SCN11A: variants seen among roughly 807,000 people sequenced by gnomAD.
SCN11A encodes sodium channel protein type 11 subunit alpha.
A neutral mutation model predicts 162.2 loss-of-function variants in SCN11A; 122 were observed. The observed-to-expected ratio is 0.75, with a 90% CI of 0.65 to 0.87. The LOEUF is 0.87. Among genes scored for constraint, SCN11A ranks in the 40% least tolerant of loss-of-function variants. The probability of loss-of-function intolerance (pLI) is 0.00; values close to 1 mark genes in which losing one functional copy is unlikely to be tolerated. For missense variants in SCN11A, 2,015 were observed against 2,181.6 expected (o/e 0.92, Z 1.52); for synonymous variants, 758 against 751.5 (o/e 1.01, Z -0.14).
At position 38,883,452 on chromosome 3, in the gene SCN11A, T is replaced by C. The variant is rs1033016747; in HGVS notation, c.3065-65A>G. On this transcript the variant is annotated intron_variant, in intron 21 of 29. Coordinates refer to ENST00000302328, the MANE Select transcript of SCN11A (RefSeq NM_001349253.2). The stretch of plus-strand genomic sequence containing the variant: ...AATAAACTGCATTAAAATGCAACTC[T>C]TCACCCCTTTCTGTGTTCATGCCCC... The C allele has an allele frequency of 8.1e-6, 12 of 1,478,354 alleles. No homozygotes were observed. In the Admixed American group the frequency reaches 1.3e-4, roughly 16 times the overall value. The allele number at this position is 1,478,354 out of a possible 1,614,324, so 91.6% of individuals were successfully genotyped here.
chr3:38,940,862 C>T lies in SCN11A; in HGVS notation c.488+4549G>A, dbSNP rs568446320. The stretch of plus-strand genomic sequence containing the variant: ...AAGCAAAATTAAGAGACCATTGATG[C>T]CTGCTTCAATTGTGATGAAGACATG... On this transcript the variant is annotated intron_variant, in intron 7 of 29. Coordinates refer to ENST00000302328, the MANE Select transcript of SCN11A (RefSeq NM_001349253.2). 3.0e-4 allele frequency among the ~76,000 whole-genome samples: 45 copies of T among 152,138 alleles called. No individual in the cohort carries two copies. In the South Asian group the frequency reaches 6.9e-3, roughly 23 times the overall value.
chr3:38,946,691 G>A, intron 6 of SCN11A, 98 bp downstream of exon 6: 3 of 782,846 alleles, frequency 3.8e-6, no homozygotes, highest in Non-Finnish European at 4.3e-6. Flanking sequence ...TTTGTAGAAA[G>A]AATTAGCTAT....
chr3:38,958,185 C>T (rs2066704196), intron 3 of SCN11A, among the ~76,000 whole-genome samples: 1 of 152,234 alleles, frequency 6.6e-6, no homozygotes, highest in Non-Finnish European at 1.5e-5. Flanking sequence ...CATGTAGCCC[C>T]CCATGGGATC....
intron 11 of SCN11A, among the ~76,000 whole-genome samples, chr3:38,915,520 C>CA (rs2065947679): frequency 6.6e-6 from 1 of 152,014 alleles, no homozygotes; most frequent in Non-Finnish European, 1.5e-5. Context: ...TCATTAGTTC[C>CA]AAAAAACTTC....
chr3:38,919,984 TC>T lies in SCN11A; in HGVS notation c.909del (p.Glu305LysfsTer51), dbSNP rs1559531903. 8 of 1,613,240 alleles carry T rather than the reference TC, an allele frequency of 5.0e-6. No individual in the cohort carries two copies. Among genetic ancestry groups the T allele is most frequent in the Middle Eastern group, 1.7e-4 (1 of 6,060 alleles). On this transcript the variant is annotated frameshift_variant, in exon 11 of 30. Coordinates refer to ENST00000302328, the MANE Select transcript of SCN11A (RefSeq NM_001349253.2). LOFTEE classifies it high-confidence loss of function. ...NPEAYDHCFE[K>X]KENSPEFKMC... The stretch of plus-strand genomic sequence containing the variant: ...ATTTTGAATTCAGGTGAATTTTCTT[TC>T]TTTTCAAAGCAATGGTCTGAGAGAG...
chr3:38,926,031 T>C (rs1241677614), intron 8 of SCN11A, among the ~76,000 whole-genome samples: 1 of 152,246 alleles, frequency 6.6e-6, no homozygotes, highest in Non-Finnish European at 1.5e-5. Context: ...TTTGTGAATA[T>C]TAAATAGGAA....
chr3:38,960,560 C>T (rs1223454767), intron 2 of SCN11A, among the ~76,000 whole-genome samples, 137 bp from the exon 3 acceptor site: 1 of 152,218 alleles, frequency 6.6e-6, no homozygotes, highest in African/African-American at 2.4e-5. Flanking sequence ...TGCCTTTAAT[C>T]AGTGCTTAAT....
At chr3:38,878,160 T>C (rs1575235808) in intron 23 of SCN11A, among the ~76,000 whole-genome samples, 1 of 136,136 alleles carries the variant, frequency 7.3e-6, no homozygotes, top group Admixed American at 7.3e-5. Flanking sequence ...TGAAAGCCTA[T>C]TGAAATATAA....
intron 24 of SCN11A, 60 bp downstream of exon 24, chr3:38,872,133 G>A (rs980603374): frequency 2.2e-5 from 22 of 1,012,132 alleles, no homozygotes; most frequent in Non-Finnish European, 2.7e-5. Context: ...AAAAAGAACT[G>A]TTGGTCTTTC....
At chr3:38,870,630 G>T in intron 26 of SCN11A, 61 bp downstream of exon 26, 1 of 1,402,928 alleles carries the variant, frequency 7.1e-7, no homozygotes, top group Non-Finnish European at 1.0e-6. Flanking sequence ...GACTGTCCAT[G>T]TAGTCATGAT....
chr3:39,019,020 C>G (rs1306381402), intron 2 of SCN11A, among the ~76,000 whole-genome samples: 1 of 151,974 alleles, frequency 6.6e-6, no homozygotes, highest in Non-Finnish European at 1.5e-5. Flanking sequence ...TGATAATAAC[C>G]CTTCCCCAAA....
chr3:38,881,174 A>G (rs1200441384), intron 22 of SCN11A, among the ~76,000 whole-genome samples: 2 of 152,212 alleles, frequency 1.3e-5, no homozygotes, highest in Admixed American at 6.5e-5. Context: ...GATATTTTCT[A>G]TAGGAAACTG....
At chr3:39,027,591 A>C (rs908966131) in intron 2 of SCN11A, among the ~76,000 whole-genome samples, 1 of 152,198 alleles carries the variant, frequency 6.6e-6, no homozygotes. Flanking sequence ...TCGGCTTCTG[A>C]AAGTTTAGCC....
intron 7 of SCN11A, among the ~76,000 whole-genome samples, chr3:38,937,438 C>A (rs1225100205): frequency 6.7e-6 from 1 of 150,142 alleles, no homozygotes; most frequent in Non-Finnish European, 1.5e-5. Context: ...AACAGGCAAC[C>A]TACAAAATGG....
intron 28 of SCN11A, among the ~76,000 whole-genome samples, chr3:38,856,949 A>T (rs986130523): frequency 6.6e-6 from 1 of 151,860 alleles, no homozygotes; most frequent in East Asian, 1.9e-4. Context: ...GCTAAAATAC[A>T]CACTGTCCTG....
At chr3:38,960,085 G>C (rs1182621917) in intron 3 of SCN11A, among the ~76,000 whole-genome samples, 198 bp downstream of exon 3, 2 of 151,892 alleles carry the variant, frequency 1.3e-5, no homozygotes, top group African/African-American at 4.8e-5. Context: ...CAGTGTATTT[G>C]ACAGCAGGGA....
chr3:38,867,286 T>A (rs1405360434), intron 27 of SCN11A, 35 bp downstream of exon 27: 2 of 1,595,652 alleles, frequency 1.3e-6, no homozygotes, highest in African/African-American at 2.7e-5. Context: ...AGGACAGAGA[T>A]AAAATTACCA....
In SCN11A at chr3:38,847,551, T is replaced by A; in HGVS notation, c.4519A>T (p.Ile1507Phe). Residue 1507 changes from isoleucine (I) to phenylalanine (F), a missense_variant, in exon 30 of 30, where the codon ATT (isoleucine) becomes TTT (phenylalanine). Physicochemically the swap from Ile to Phe is conservative, Grantham distance 21 (BLOSUM62 0). Transcript: ENST00000302328. ...CCCAGAATGGCATAGATAAACATAA[T>A]CAGAAAGAGTAGAAGACCAATGTTG... ...LFNIGLLLFL[I>F]MFIYAILGMN... 1 of 1,614,088 alleles carries A rather than the reference T, an allele frequency of 6.2e-7. No homozygotes were observed.
intron 19 of SCN11A, among the ~76,000 whole-genome samples, chr3:38,890,720 A>G (rs1327934689): frequency 6.6e-6 from 1 of 152,266 alleles, no homozygotes. Context: ...CTTAACAGAG[A>G]GATCACAAAA....
Sources: gnomAD v4.1 joint callset for allele counts (sites outside exome capture counted in the v4.1 genomes callset) on GRCh38, gnomAD v4.1.1 for gene constraint, MANE v1.5 for transcripts, NCBI Gene and HGNC (gene_info 2026-07-23, HGNC 2026-07-21) for gene names.